The following SHISA6 variants were observed in gnomAD, a reference collection of about 807,000 sequenced individuals.
The protein encoded by SHISA6 is protein shisa-6.
SHISA6 carries 22 observed loss-of-function variants against 47.9 expected under a neutral mutation model. That is an observed-to-expected ratio of 0.46 (90% confidence interval 0.33 to 0.66). The LOEUF is 0.66. Among genes scored for constraint, SHISA6 ranks in the 30% least tolerant of loss-of-function variants. SHISA6 has a pLI of 0.02. For synonymous variants in SHISA6, 388 were observed against 337.8 expected, an observed-to-expected ratio of 1.15 and a Z score of -1.63; for missense variants, 680 against 764.6, an observed-to-expected ratio of 0.89 and a Z score of 1.30.
intron 2 of SHISA6, among the ~76,000 whole-genome samples, chr17:11,362,745 C>T (rs1597476706): frequency 1.3e-5 from 2 of 152,140 alleles, no homozygotes; most frequent in Admixed American, 1.3e-4. Context: ...TTATATAAAG[C>T]TTGCAGTCTA....
chr17:11,375,108 G>C (rs1454083856), intron 2 of SHISA6, among the ~76,000 whole-genome samples: 3 of 151,830 alleles, frequency 2.0e-5, no homozygotes, highest in African/African-American at 7.3e-5. Flanking sequence ...ATTTCACCAG[G>C]GTATATCTAG....
chr17:11,523,731 C>T (rs867149103), intron 3 of SHISA6, among the ~76,000 whole-genome samples: 4 of 152,098 alleles, frequency 2.6e-5, no homozygotes, highest in East Asian at 3.9e-4. Context: ...TACGGCTGGG[C>T]GCAGTGACTC....
intron 3 of SHISA6, among the ~76,000 whole-genome samples, chr17:11,473,340 A>G (rs1915973828): frequency 6.6e-6 from 1 of 152,156 alleles, no homozygotes; most frequent in African/African-American, 2.4e-5. Context: ...AGTAAAGAAT[A>G]GAAATTTATT....
chr17:11,548,738 G>T (rs956215866), intron 3 of SHISA6, among the ~76,000 whole-genome samples: 1 of 151,944 alleles, frequency 6.6e-6, no homozygotes, highest in African/African-American at 2.4e-5. Flanking sequence ...AAAAATAGGG[G>T]ACCTGCTTAA....
intron 3 of SHISA6, among the ~76,000 whole-genome samples, chr17:11,524,703 T>C (rs1407988458): frequency 6.6e-6 from 1 of 152,168 alleles, no homozygotes; most frequent in African/African-American, 2.4e-5. Flanking sequence ...TTCGCCATGT[T>C]GGCCAGGCTG....
At chr17:11,273,723 G>A (rs79325205) in intron 2 of SHISA6, among the ~76,000 whole-genome samples, 56 of 152,204 alleles carry the variant, frequency 3.7e-4, no homozygotes, top group African/African-American at 1.3e-3. Context: ...TGGAGTGATG[G>A]GCAGCCTGCC....
chr17:11,354,593 G>A (rs943045437), intron 2 of SHISA6, among the ~76,000 whole-genome samples: 1 of 152,168 alleles, frequency 6.6e-6, no homozygotes, highest in Admixed American at 6.5e-5. Context: ...CCAAGGTCAC[G>A]AAGAAAGCCC....
At chr17:11,544,904 T>A (rs1359986439) in intron 3 of SHISA6, among the ~76,000 whole-genome samples, 2 of 138,556 alleles carry the variant, frequency 1.4e-5, no homozygotes, top group Admixed American at 8.3e-5. Context: ...GAGCTTGCAG[T>A]GAGCCAAGAT....
intron 3 of SHISA6, among the ~76,000 whole-genome samples, chr17:11,495,166 C>T (rs2071398156): frequency 6.6e-6 from 1 of 152,148 alleles, no homozygotes; most frequent in Non-Finnish European, 1.5e-5. Flanking sequence ...AAGCATCTTG[C>T]CCACTGCCAA....
intron 1 of SHISA6, among the ~76,000 whole-genome samples, chr17:11,245,475 G>T (rs1182536365): frequency 6.6e-6 from 1 of 152,216 alleles, no homozygotes; most frequent in Non-Finnish European, 1.5e-5. Flanking sequence ...CCAGGAAACC[G>T]CCTGGGAGCC....
chr17:11,512,222 A>T (rs757829846), intron 3 of SHISA6, among the ~76,000 whole-genome samples: 7 of 152,242 alleles, frequency 4.6e-5, no homozygotes, highest in Admixed American at 3.3e-4. Flanking sequence ...CACATAAAGC[A>T]TCTTTATATC....
intron 3 of SHISA6, among the ~76,000 whole-genome samples, chr17:11,387,206 A>T (rs1399009888): frequency 6.6e-6 from 1 of 152,156 alleles, no homozygotes; most frequent in Admixed American, 6.5e-5. Flanking sequence ...AGATCTCGTC[A>T]TCCCATCCAA....
At chr17:11,531,209 CTCTGTG>C (rs1403029159) in intron 3 of SHISA6, among the ~76,000 whole-genome samples, 1 of 132,646 alleles carries the variant, frequency 7.5e-6, no homozygotes, top group Non-Finnish European at 1.6e-5. Context: ...CAGGTTACTA[CTCTGTG>C]TGTGTGTGTG....
At chr17:11,396,941 T>G (rs1913591063) in intron 3 of SHISA6, among the ~76,000 whole-genome samples, 1 of 152,172 alleles carries the variant, frequency 6.6e-6, no homozygotes, top group South Asian at 2.1e-4. Flanking sequence ...CCCCTCCATT[T>G]TCAATGCTCT....
chr17:11,314,306 G>A (rs950235547), intron 2 of SHISA6, among the ~76,000 whole-genome samples: 2 of 151,732 alleles, frequency 1.3e-5, no homozygotes, highest in Non-Finnish European at 2.9e-5. Flanking sequence ...GTATTTTTTT[G>A]TCACATTAGG....
intron 3 of SHISA6, among the ~76,000 whole-genome samples, chr17:11,514,926 C>A: frequency 6.6e-6 from 1 of 152,238 alleles, no homozygotes; most frequent in East Asian, 1.9e-4. Flanking sequence ...AATACACACC[C>A]ATATCCTTGT....
intron 2 of SHISA6, among the ~76,000 whole-genome samples, chr17:11,350,106 C>G (rs1911820657): frequency 6.6e-6 from 1 of 151,808 alleles, no homozygotes; most frequent in African/African-American, 2.4e-5. Context: ...ATTCCCCTGC[C>G]TCAGCCTCCG....
intron 2 of SHISA6, among the ~76,000 whole-genome samples, chr17:11,282,389 G>A (rs1037591253): frequency 5.7e-5 from 8 of 140,788 alleles, no homozygotes; most frequent in Admixed American, 1.4e-4. Flanking sequence ...GACTAGATAC[G>A]TGGTATTTCT....
chr17:11,320,535 G>A (rs1910678896), intron 2 of SHISA6, among the ~76,000 whole-genome samples: 1 of 152,162 alleles, frequency 6.6e-6, no homozygotes, highest in African/African-American at 2.4e-5. Context: ...GTGGGCACCT[G>A]TAATCCCAGC....
Sources: gnomAD v4.1 joint callset for allele counts (sites outside exome capture counted in the v4.1 genomes callset) on GRCh38, gnomAD v4.1.1 for gene constraint, MANE v1.5 for transcripts, NCBI Gene and HGNC (gene_info 2026-07-23, HGNC 2026-07-21) for gene names.